Variants in GTF3C1 observed in about 807,000 individuals in gnomAD.
GTF3C1 encodes general transcription factor 3C polypeptide 1.
Under a neutral mutation model 226.7 loss-of-function variants are expected in GTF3C1, and 57 were observed. The ratio of observed to expected loss-of-function variants is 0.25; its 90% CI spans 0.20 to 0.31. The LOEUF (loss-of-function observed/expected upper bound fraction) is 0.31. Among genes scored for constraint, GTF3C1 ranks in the 10% least tolerant of loss-of-function variants. GTF3C1 has a pLI of 1.00. For synonymous variants in GTF3C1, 1,090 were observed against 1,084.8 expected, an observed-to-expected ratio of 1.00 and a Z score of -0.09; for missense variants, 2,217 against 2,776.1, an observed-to-expected ratio of 0.80 and a Z score of 4.53.
chr16:27,464,515 A>C lies in GTF3C1; in HGVS notation c.5677T>G (p.Leu1893Val), dbSNP rs144294828. ...AKRPALQDSN[L>V]APSLGPGAED... ...GCTCCGGGCCCAAGGCTGGGGGCCA[A>C]ATTTGAGTCCTGGAGCGCTGGCCTC... Residue 1893 changes from leucine (L) to valine (V), a missense_variant, in exon 34 of 37, where the codon TTG (leucine) becomes GTG (valine). Physicochemically the swap from Leu to Val is conservative, Grantham distance 32. Around this residue, in one of 12 missense-constraint regions of GTF3C1, gnomAD observed 455 missense variants for 441.9 expected, o/e 1.03. Coordinates refer to ENST00000356183, the MANE Select transcript of GTF3C1 (RefSeq NM_001520.4). 4 of 1,521,574 alleles carry C rather than the reference A, an allele frequency of 2.6e-6. No individual in the cohort carries two copies. In the African/African-American group the frequency reaches 5.6e-5, roughly 21 times the overall value. The allele number at this position is 1,521,574 out of a possible 1,614,324, so 94.3% of individuals were successfully genotyped here.
chr16:27,481,586 C>T (rs1288719810), intron 26 of GTF3C1, among the ~76,000 whole-genome samples: 1 of 152,166 alleles, frequency 6.6e-6, no homozygotes, highest in Non-Finnish European at 1.5e-5. Flanking sequence ...CTTCCTCTGC[C>T]CCAGCCTCAC....
intron 28 of GTF3C1, among the ~76,000 whole-genome samples, chr16:27,477,215 C>G (rs1220330152): frequency 6.6e-6 from 1 of 152,224 alleles, no homozygotes; most frequent in Non-Finnish European, 1.5e-5. Context: ...TCCTCTTCCT[C>G]TGTCCCTTCA....
intron 14 of GTF3C1, among the ~76,000 whole-genome samples, chr16:27,496,989 A>G (rs1357582049): frequency 6.6e-6 from 1 of 152,184 alleles, no homozygotes; most frequent in Non-Finnish European, 1.5e-5. Flanking sequence ...CAGCCCTAGG[A>G]AAGGGAAGTC....
At chr16:27,493,837 A>C (rs763449797) in intron 16 of GTF3C1, among the ~76,000 whole-genome samples, 2 of 152,240 alleles carry the variant, frequency 1.3e-5, no homozygotes, top group Non-Finnish European at 1.5e-5. Flanking sequence ...ACTCTACTTA[A>C]TATCAAGTCT....
chr16:27,485,520 G>T (rs2141370599), intron 24 of GTF3C1, among the ~76,000 whole-genome samples: 1 of 152,364 alleles, frequency 6.6e-6, no homozygotes, highest in East Asian at 1.9e-4. Context: ...GTAAATTGGA[G>T]CTTTTCAGGC....
intron 6 of GTF3C1, among the ~76,000 whole-genome samples, chr16:27,515,467 A>AC (rs2088643046): frequency 6.7e-6 from 1 of 148,460 alleles, no homozygotes; most frequent in Non-Finnish European, 1.5e-5. Context: ...AAACACAACA[A>AC]AAAAAAAAAA....
chr16:27,474,751 C>T (rs573323417), intron 29 of GTF3C1, among the ~76,000 whole-genome samples: 9 of 152,254 alleles, frequency 5.9e-5, no homozygotes, highest in Admixed American at 3.3e-4. Flanking sequence ...AGAGGGCGCA[C>T]GGCACAGATA....
Position 27,462,568 on chromosome 16 carries a change from G to C in GTF3C1, c.5925-82C>G, listed in dbSNP as rs923448050. ...AGACAGAACACTGAGGCTCAGGGGCGTCCTAGGCCTGGCCCAGGTCACAGG... is the reference window on the plus strand; with the variant it reads ...AGACAGAACACTGAGGCTCAGGGGCCTCCTAGGCCTGGCCCAGGTCACAGG... On this transcript the variant is annotated intron_variant, in intron 35 of 36. Coordinates refer to ENST00000356183, the MANE Select transcript of GTF3C1 (RefSeq NM_001520.4). The surrounding 1 kb of genome is among the most constrained non-coding windows in gnomAD (Gnocchi z 4.5). 2 of 1,050,860 alleles carry C rather than the reference G, an allele frequency of 1.9e-6. No homozygotes were observed. The highest frequency in any genetic ancestry group is 3.1e-5 in the African/African-American group (2 of 64,240). 65.1% of individuals were successfully genotyped at this position (1,050,860 alleles called of 1,614,324 possible). A position where few individuals can be genotyped will look rare whatever the true frequency, so the allele number is the denominator to read the frequency against.
intron 6 of GTF3C1, among the ~76,000 whole-genome samples, chr16:27,518,414 A>G (rs1263086900): frequency 6.6e-6 from 1 of 152,232 alleles, no homozygotes; most frequent in Non-Finnish European, 1.5e-5. Flanking sequence ...CTGTTTCCTC[A>G]GCTATAAAAT....
At chr16:27,504,559 C>G (rs1259817109) in intron 10 of GTF3C1, among the ~76,000 whole-genome samples, 1 of 152,194 alleles carries the variant, frequency 6.6e-6, no homozygotes, top group African/African-American at 2.4e-5. Flanking sequence ...GCAAGTTACT[C>G]CATCCTAGGG....
intron 12 of GTF3C1, among the ~76,000 whole-genome samples, chr16:27,499,594 T>A (rs1206666572): frequency 1.3e-5 from 2 of 152,226 alleles, no homozygotes; most frequent in African/African-American, 4.8e-5. Flanking sequence ...GGCTCCCGAA[T>A]GCCACACTTG....
chr16:27,474,078 A>T (rs1412896867), intron 29 of GTF3C1, among the ~76,000 whole-genome samples: 1 of 152,150 alleles, frequency 6.6e-6, no homozygotes, highest in Non-Finnish European at 1.5e-5. Context: ...CAGTGAGCCC[A>T]CCTGCAGCCT....
intron 7 of GTF3C1, among the ~76,000 whole-genome samples, chr16:27,511,295 C>T (rs1047288719): frequency 1.3e-5 from 2 of 152,206 alleles, no homozygotes; most frequent in African/African-American, 2.4e-5. Context: ...TGCTCTTGGC[C>T]ATCAGAACTC....
rs1166740490 is a variant in GTF3C1 at position 27,494,920 on chromosome 16, A to G, written c.2633-12T>C. ...ATCGTCGACATACACTAGGAAAAAA[A>G]CGCACGGTTACCCCCGGCAGCCAGG... On this transcript the variant is annotated splice_polypyrimidine_tract_variant and intron_variant, in intron 15 of 36. Transcript: ENST00000356183. The G allele has an allele frequency of 6.2e-7, 1 of 1,610,952 alleles. No homozygotes were observed. Among genetic ancestry groups the G allele is most frequent in the South Asian group, 1.1e-5 (1 of 90,980 alleles).
Position 27,492,820 on chromosome 16 carries a change from C to G in GTF3C1, c.2877-107G>C, listed in dbSNP as rs1166748219. Reference sequence around the variant, plus strand: ...GCGACTTCCTTCTTCTCTTTTCCACCTGGTGGTCACTGGAGGACCAGCCTC... The same window carrying G: ...GCGACTTCCTTCTTCTCTTTTCCACGTGGTGGTCACTGGAGGACCAGCCTC... On this transcript the variant is annotated intron_variant, in intron 17 of 36. Transcript: ENST00000356183. This position sits in a 1 kb window ranked among gnomAD's most constrained non-coding sequence, Gnocchi z 5.0. 2 of 723,532 alleles carry G rather than the reference C, an allele frequency of 2.8e-6. No individual in the cohort carries two copies. Among genetic ancestry groups the G allele is most frequent in the Non-Finnish European group, 5.0e-6 (2 of 401,678 alleles). 44.8% of individuals were successfully genotyped at this position (723,532 alleles called of 1,614,324 possible). A position where few individuals can be genotyped will look rare whatever the true frequency, so the allele number is the denominator to read the frequency against.
intron 2 of GTF3C1, among the ~76,000 whole-genome samples, chr16:27,542,578 A>G (rs1023214597): frequency 6.6e-6 from 1 of 152,128 alleles, no homozygotes; most frequent in East Asian, 1.9e-4. Context: ...AAAAAAAAAA[A>G]AAAGTTTAAT....
intron 28 of GTF3C1, 70 bp from the exon 29 acceptor site, chr16:27,476,614 T>TCATCTGACTGTCTGAG: frequency 1.1e-6 from 1 of 873,380 alleles, no homozygotes; most frequent in Non-Finnish European, 1.9e-6. Flanking sequence ...ATGCAATTCT[T>TCATCTGACTGTCTGAG]AGGGAAAAAA....
rs181884572 is a variant in GTF3C1 at position 27,461,853 on chromosome 16, G to A, written c.6118-291C>T. ...AGCGCGGGATAAATCCCAGCTTCCTGTGAGCCAAGACTGGCTTCCAGGTGG... is the reference window on the plus strand; with the variant it reads ...AGCGCGGGATAAATCCCAGCTTCCTATGAGCCAAGACTGGCTTCCAGGTGG... On this transcript the variant is annotated intron_variant, in intron 36 of 36. Coordinates refer to ENST00000356183, the MANE Select transcript of GTF3C1 (RefSeq NM_001520.4). The surrounding 1 kb of genome is among the most constrained non-coding windows in gnomAD (Gnocchi z 5.3). 86 of 442,798 alleles carry A rather than the reference G, an allele frequency of 1.9e-4. No individual in the cohort carries two copies. Among genetic ancestry groups the A allele is most frequent in the African/African-American group, 1.6e-3 (83 of 51,618 alleles). The allele number at this position is 442,798 out of a possible 1,614,324, so 27.4% of individuals were successfully genotyped here.
Position 27,492,968 on chromosome 16 carries a change from C to T in GTF3C1, c.2876+231G>A, listed in dbSNP as rs903599144. On this transcript the variant is annotated intron_variant, in intron 17 of 36. Transcript: ENST00000356183. The surrounding 1 kb of genome is among the most constrained non-coding windows in gnomAD (Gnocchi z 5.0). Reference sequence around the variant, plus strand: ...AAGTAATGAAAGGGAAAAAAAATTCCGATACTTGCAGACACTAGCAGCAGA... The same window carrying T: ...AAGTAATGAAAGGGAAAAAAAATTCTGATACTTGCAGACACTAGCAGCAGA... Among the ~76,000 whole-genome samples, 2 of 152,128 alleles carry T rather than the reference C, an allele frequency of 1.3e-5. No individual in the cohort carries two copies. The highest frequency in any genetic ancestry group is 1.9e-4 in the East Asian group (1 of 5,196).
Sources: allele counts gnomAD v4.1 joint callset (sites outside exome capture counted in the v4.1 genomes callset), GRCh38; gene constraint gnomAD v4.1.1; regional missense constraint gnomAD v4.1.1; non-coding constraint Gnocchi (gnomAD v3.1); transcripts MANE v1.5; gene names NCBI Gene and HGNC (gene_info 2026-07-23, HGNC 2026-07-21).